Variants in RNF6 observed in about 807,000 individuals in gnomAD.
RNF6 encodes the protein ring finger protein 6, also known as E3 ubiquitin-protein ligase RNF6.
RNF6 carries 21 observed loss-of-function variants against 50.1 expected under a neutral mutation model. The observed-to-expected ratio is 0.42, with a 90% CI of 0.30 to 0.60. The LOEUF (loss-of-function observed/expected upper bound fraction) is 0.60, where lower values mean the gene tolerates loss of function less well. Among genes scored for constraint, RNF6 ranks in the 20% least tolerant of loss-of-function variants. RNF6 has a pLI of 0.20. For missense variants in RNF6, 698 were observed against 838.2 expected, an observed-to-expected ratio of 0.83 and a Z score of 2.07; for synonymous variants, 255 against 291.8, an observed-to-expected ratio of 0.87 and a Z score of 1.29.
At chr13:26,174,264 G>A (rs1423186127) in intron 5 of RNF6, among the ~76,000 whole-genome samples, 1 of 152,178 alleles carries the variant, frequency 6.6e-6, no homozygotes, top group Non-Finnish European at 1.5e-5. Flanking sequence ...GAATGAAAGA[G>A]GAGGACTGGC....
downstream of RNF6, among the ~76,000 whole-genome samples, chr13:26,208,623 T>C (rs575107445): frequency 6.6e-6 from 1 of 152,320 alleles, no homozygotes; most frequent in South Asian, 2.1e-4. Context: ...TTGGATGTGG[T>C]CTTGGAGACC....
chr13:26,155,681 C>T (rs1871882662), intron 5 of RNF6, among the ~76,000 whole-genome samples: 1 of 152,308 alleles, frequency 6.6e-6, no homozygotes, highest in African/African-American at 2.4e-5. Context: ...CCAACTGTTG[C>T]TCCCACTCTG....
chr13:26,162,866 A>C (rs1381390432), intron 5 of RNF6, among the ~76,000 whole-genome samples: 1 of 152,254 alleles, frequency 6.6e-6, no homozygotes, highest in African/African-American at 2.4e-5. Context: ...AATATTTATA[A>C]CATCTCTGTA....
chr13:26,208,779 G>A (rs1869203609), downstream of RNF6, among the ~76,000 whole-genome samples: 3 of 152,256 alleles, frequency 2.0e-5, no homozygotes, highest in Admixed American at 1.3e-4. Context: ...CATGCTGCTC[G>A]ATCCTACAGA....
chr13:26,198,344 C>T (rs1289186214), intron 5 of RNF6, among the ~76,000 whole-genome samples: 1 of 151,834 alleles, frequency 6.6e-6, no homozygotes, highest in East Asian at 1.9e-4. Context: ...CTACCATCAA[C>T]TGATTGGATG....
intron 5 of RNF6, among the ~76,000 whole-genome samples, chr13:26,196,646 A>C (rs1330100474): frequency 6.6e-6 from 1 of 151,754 alleles, no homozygotes; most frequent in African/African-American, 2.4e-5. Flanking sequence ...AAAATAAATA[A>C]ATAAATAAAT....
intron 4 of RNF6, among the ~76,000 whole-genome samples, chr13:26,217,861 C>T (rs1021427606): frequency 1.3e-5 from 2 of 152,174 alleles, no homozygotes; most frequent in Admixed American, 1.3e-4. Flanking sequence ...ATTTCCTTCC[C>T]TGGACTGTTA....
intron 5 of RNF6, among the ~76,000 whole-genome samples, chr13:26,195,275 G>T (rs1473986843): frequency 7.5e-6 from 1 of 134,184 alleles, no homozygotes; most frequent in African/African-American, 2.8e-5. Context: ...TTGGGGGGCG[G>T]CTTATTAGTA....
At chr13:26,149,976 T>C (rs1871490198) in intron 5 of RNF6, among the ~76,000 whole-genome samples, 1 of 129,718 alleles carries the variant, frequency 7.7e-6, no homozygotes, top group African/African-American at 3.1e-5. Flanking sequence ...ACAGTGTATA[T>C]ATAATGTGTA....
chr13:26,206,822 C>A (rs200283305), intron 5 of RNF6, among the ~76,000 whole-genome samples: 1 of 151,838 alleles, frequency 6.6e-6, no homozygotes, highest in African/African-American at 2.4e-5. Context: ...GTTCACAGTC[C>A]TTTGAAGAAG....
intron 5 of RNF6, among the ~76,000 whole-genome samples, chr13:26,186,662 T>C (rs1308137382): frequency 2.0e-5 from 3 of 152,234 alleles, no homozygotes; most frequent in Non-Finnish European, 2.9e-5. Flanking sequence ...GCAGCGGCGC[T>C]ATACCTTCGG....
intron 5 of RNF6, among the ~76,000 whole-genome samples, chr13:26,132,712 T>C (rs993912695): frequency 1.6e-4 from 24 of 152,212 alleles, no homozygotes; most frequent in African/African-American, 5.8e-4. Context: ...CTGAAAGTAT[T>C]GTTTTTGAAA....
chr13:26,147,826 T>C (rs1470479185), intron 5 of RNF6, among the ~76,000 whole-genome samples: 1 of 152,196 alleles, frequency 6.6e-6, no homozygotes, highest in Non-Finnish European at 1.5e-5. Flanking sequence ...TTTCAGGTCA[T>C]TTATGTGGCA....
chr13:26,161,870 CA>C (rs1382029854), intron 5 of RNF6, among the ~76,000 whole-genome samples: 1 of 152,198 alleles, frequency 6.6e-6, no homozygotes, highest in African/African-American at 2.4e-5. Context: ...CTGTTCCACT[CA>C]AAACCACCTC....
intron 5 of RNF6, among the ~76,000 whole-genome samples, chr13:26,205,500 A>G (rs549767540): frequency 6.6e-6 from 1 of 152,304 alleles, no homozygotes; most frequent in African/African-American, 2.4e-5. Context: ...CATTTTCCTC[A>G]GGTGGGTGTG....
At chr13:26,132,612 C>A (rs529366671) in intron 5 of RNF6, among the ~76,000 whole-genome samples, 1 of 152,154 alleles carries the variant, frequency 6.6e-6, no homozygotes, top group Admixed American at 6.5e-5. Flanking sequence ...TTAATATAAA[C>A]CTTGTTAGAA....
At chr13:26,140,839 G>C (rs968852768) in intron 5 of RNF6, among the ~76,000 whole-genome samples, 2 of 152,104 alleles carry the variant, frequency 1.3e-5, no homozygotes, top group Non-Finnish European at 1.5e-5. Flanking sequence ...GAACAATAAT[G>C]TTCAAACTGA....
At chr13:26,177,811 A>T (rs1217996465) in intron 5 of RNF6, among the ~76,000 whole-genome samples, 2 of 152,194 alleles carry the variant, frequency 1.3e-5, no homozygotes, top group Non-Finnish European at 1.5e-5. Flanking sequence ...TTGGTGCAAG[A>T]GCCTCCCAGC....
At chr13:26,134,941 C>T (rs1447936246) in intron 5 of RNF6, among the ~76,000 whole-genome samples, 3 of 151,922 alleles carry the variant, frequency 2.0e-5, no homozygotes, top group Admixed American at 2.0e-4. Context: ...CTCATTTTTC[C>T]ATTTTTAATT....
Sources: gnomAD v4.1 joint callset for allele counts (sites outside exome capture counted in the v4.1 genomes callset) on GRCh38, gnomAD v4.1.1 for gene constraint, MANE v1.5 for transcripts, NCBI Gene and HGNC (gene_info 2026-07-23, HGNC 2026-07-21) for gene names.